The following COL25A1 variants were observed in gnomAD, a reference collection of about 807,000 sequenced individuals.
COL25A1 encodes the protein collagen alpha-1(XXV) chain.
Under a neutral mutation model 128.4 loss-of-function variants are expected in COL25A1, and 103 were observed. That is an observed-to-expected ratio of 0.80 (90% CI 0.68 to 0.94). COL25A1 has a LOEUF of 0.94. COL25A1 is among the 40% of genes least tolerant of loss of function. The pLI is 0.00. For missense variants in COL25A1, 745 were observed against 840.0 expected (o/e 0.89, Z 1.40); for synonymous variants, 279 against 277.2 (o/e 1.01, Z -0.06).
At chr4:108,939,056 ACTTTAC>A (rs145155473) in intron 10 of COL25A1, among the ~76,000 whole-genome samples, 334 of 152,332 alleles carry the variant, frequency 2.2e-3, no homozygotes, top group African/African-American at 7.5e-3. Context: ...GGTTTGTCAT[ACTTTAC>A]CTTTAATTTT....
chr4:109,276,228 T>C (rs1218139094), intron 3 of COL25A1, among the ~76,000 whole-genome samples: 1 of 151,942 alleles, frequency 6.6e-6, no homozygotes, highest in Admixed American at 6.6e-5. Flanking sequence ...CTGGCTAACA[T>C]GGTGAAACCT....
At position 108,827,183 on chromosome 4, in the gene COL25A1, T is replaced by C. The variant is rs1428396048; in HGVS notation, c.1716A>G (p.Glu572=). 1.2e-6 allele frequency: 2 copies of C among 1,613,904 alleles called. No homozygotes were observed. The highest frequency in any genetic ancestry group is 2.2e-5 in the East Asian group (1 of 44,868). The change falls in exon 33 of 38, where the codon GAA becomes GAG. Residue 572 remains glutamate, a synonymous_variant. Coordinates refer to ENST00000399132, the MANE Select transcript of COL25A1 (RefSeq NM_198721.4). ...GTCCAGGCTCTCCCATAGCTCCTTT[T>C]TCACCCTAAAATGAAAAGTAGAAAG... The part of the protein sequence containing the change: ...GPAGPKGERG[E]KGAMGEPGPR...
chr4:109,212,938 C>T (rs1252339076), intron 3 of COL25A1, among the ~76,000 whole-genome samples: 1 of 152,098 alleles, frequency 6.6e-6, no homozygotes, highest in Non-Finnish European at 1.5e-5. Flanking sequence ...ACTTGTTCTT[C>T]ACCACATATA....
chr4:109,258,431 T>C (rs1261966465), intron 3 of COL25A1, among the ~76,000 whole-genome samples: 1 of 149,640 alleles, frequency 6.7e-6, no homozygotes, highest in Non-Finnish European at 1.5e-5. Context: ...TACCTCAGTA[T>C]ATCATCTGTA....
chr4:108,834,677 T>C (rs954774073), intron 31 of COL25A1, among the ~76,000 whole-genome samples: 6 of 152,196 alleles, frequency 3.9e-5, no homozygotes, highest in Non-Finnish European at 8.8e-5. Flanking sequence ...TAGTTACTCA[T>C]AACAGTTGCA....
At chr4:108,965,900 G>C (rs575941824) in intron 8 of COL25A1, among the ~76,000 whole-genome samples, 1 of 152,304 alleles carries the variant, frequency 6.6e-6, no homozygotes, top group South Asian at 2.1e-4. Context: ...GCATTATGAA[G>C]AGCAGAAAAC....
At chr4:108,839,549 C>CA (rs973329201) in intron 31 of COL25A1, among the ~76,000 whole-genome samples, 1 of 152,154 alleles carries the variant, frequency 6.6e-6, no homozygotes, top group African/African-American at 2.4e-5. Context: ...GCACTTTCAG[C>CA]ACGTGGTCTT....
chr4:108,817,350 G>A, intron 37 of COL25A1, 47 bp downstream of exon 37: 1 of 1,584,180 alleles, frequency 6.3e-7, no homozygotes, highest in South Asian at 1.1e-5. Context: ...TCCAGGTTAA[G>A]AGAAAGGGAG....
intron 5 of COL25A1, among the ~76,000 whole-genome samples, chr4:109,038,063 G>A (rs1378694385): frequency 6.6e-6 from 1 of 152,180 alleles, no homozygotes; most frequent in East Asian, 1.9e-4. Context: ...TGCAAGTTCA[G>A]TAAGAATCTG....
intron 13 of COL25A1, among the ~76,000 whole-genome samples, chr4:108,916,763 T>C (rs1744922327): frequency 1.3e-5 from 2 of 152,170 alleles, no homozygotes; most frequent in Admixed American, 1.3e-4. Context: ...ATATTCTGTC[T>C]TTGCCAGGAT....
At chr4:109,180,871 A>G (rs995490079) in intron 3 of COL25A1, among the ~76,000 whole-genome samples, 3 of 152,192 alleles carry the variant, frequency 2.0e-5, no homozygotes, top group Non-Finnish European at 2.9e-5. Flanking sequence ...TATTTATAAA[A>G]CACAATATTA....
intron 3 of COL25A1, among the ~76,000 whole-genome samples, chr4:109,156,897 C>A (rs991337981): frequency 6.6e-6 from 1 of 152,154 alleles, no homozygotes; most frequent in Admixed American, 6.5e-5. Context: ...TGTCTGTGAT[C>A]CAACAAAACT....
At chr4:108,879,384 G>GTT (rs11371883) in intron 19 of COL25A1, among the ~76,000 whole-genome samples, 16 of 151,352 alleles carry the variant, frequency 1.1e-4, no homozygotes, top group South Asian at 2.1e-4. Context: ...CTTGCTCCAT[G>GTT]TTTTTTTTTC....
chr4:108,884,913 C>T (rs1740598797), intron 18 of COL25A1, among the ~76,000 whole-genome samples: 1 of 152,106 alleles, frequency 6.6e-6, no homozygotes, highest in African/African-American at 2.4e-5. Context: ...TCAAGCTTAA[C>T]CTTCTCATTT....
At chr4:109,235,535 C>G (rs1419999435) in intron 3 of COL25A1, among the ~76,000 whole-genome samples, 1 of 122,478 alleles carries the variant, frequency 8.2e-6, no homozygotes, top group Non-Finnish European at 1.6e-5. Flanking sequence ...CAAACATACA[C>G]CCACACACGA....
rs776543501 is a variant in COL25A1, at chr4:108,862,506, AC to A, written c.1191del (p.Ser398GlnfsTer32). The A allele has an allele frequency of 1.9e-6, 3 of 1,610,694 alleles. No homozygotes were observed. The South Asian group carries it at 3.3e-5, about 18-fold the overall frequency. On this transcript the variant is annotated frameshift_variant, in exon 22 of 38. Coordinates refer to ENST00000399132, the MANE Select transcript of COL25A1 (RefSeq NM_198721.4). LOFTEE classifies it high-confidence loss of function. Reference sequence around the variant, plus strand: ...ATGGTTATCTGGTTACTGACCTTTGACCCCTTTGGGCCTCTAGTTCCTGATT... The same window carrying A: ...ATGGTTATCTGGTTACTGACCTTTGACCCTTTGGGCCTCTAGTTCCTGATT... ...QGESGTRGPK[G>X]SKGDRGEKGD... is the part of the protein sequence containing the mutation.
intron 19 of COL25A1, among the ~76,000 whole-genome samples, chr4:108,879,238 G>A (rs760141762): frequency 1.3e-5 from 2 of 152,162 alleles, no homozygotes; most frequent in Non-Finnish European, 2.9e-5. Context: ...TAGTCCCCAA[G>A]TTCTTGATCT....
At chr4:109,087,106 G>C (rs1185618388) in intron 3 of COL25A1, among the ~76,000 whole-genome samples, 2 of 152,170 alleles carry the variant, frequency 1.3e-5, no homozygotes, top group South Asian at 4.2e-4. Flanking sequence ...CCCAGTGTGT[G>C]GGCAAAATGA....
At chr4:108,978,640 A>G (rs533801199) in intron 6 of COL25A1, among the ~76,000 whole-genome samples, 2 of 152,320 alleles carry the variant, frequency 1.3e-5, no homozygotes, top group South Asian at 2.1e-4. Flanking sequence ...TTATTTTTCA[A>G]TGGCACATTG....
Sources: allele counts gnomAD v4.1 joint callset (sites outside exome capture counted in the v4.1 genomes callset), GRCh38; gene constraint gnomAD v4.1.1; transcripts MANE v1.5; gene names NCBI Gene and HGNC (gene_info 2026-07-23, HGNC 2026-07-21).